Variants in SIPA1L1 observed in about 807,000 individuals in gnomAD.
SIPA1L1 encodes signal induced proliferation associated 1 like 1.
A neutral mutation model predicts 162.7 loss-of-function variants in SIPA1L1; 26 were observed. The ratio of observed to expected loss-of-function variants is 0.16; its 90% CI spans 0.12 to 0.22. SIPA1L1 has a LOEUF of 0.22. SIPA1L1 is among the 10% of genes least tolerant of loss of function. The pLI, the probability that SIPA1L1 is intolerant of heterozygous loss-of-function variation, is 1.00. For synonymous variants in SIPA1L1, 829 were observed against 837.4 expected (o/e 0.99, Z 0.17); for missense variants, 1,874 against 2,241.0 (o/e 0.84, Z 3.31).
chr14:71,496,837 C>T (rs1209376124), intron 2 of SIPA1L1, among the ~76,000 whole-genome samples: 1 of 152,102 alleles, frequency 6.6e-6, no homozygotes. Context: ...CTCTTTTTCT[C>T]CAGTAATGTT....
chr14:71,466,128 A>G (rs1175818292), intron 2 of SIPA1L1, among the ~76,000 whole-genome samples: 1 of 152,218 alleles, frequency 6.6e-6, no homozygotes, highest in African/African-American at 2.4e-5. Context: ...ACAGGGCTTC[A>G]TATATTGAAT....
chr14:71,490,108 A>G (rs117901042), intron 2 of SIPA1L1, among the ~76,000 whole-genome samples: 1 of 152,344 alleles, frequency 6.6e-6, no homozygotes, highest in Non-Finnish European at 1.5e-5. Flanking sequence ...AGAAGTGAAC[A>G]TATATTGAGC....
In SIPA1L1 at chr14:71,738,424, G is replaced by A. The variant is rs2085511472; in HGVS notation, c.5208+99G>A. On this transcript the variant is annotated intron_variant, in intron 23 of 23. Coordinates refer to ENST00000381232, the MANE Select transcript of SIPA1L1 (RefSeq NM_001386936.1). ...TAGCATGGTAAAATAAGACGTGGGT[G>A]TCTTCCCGGTGCCTGCATGTGTTTG... is the stretch of plus-strand genomic sequence containing the variant. The A allele has an allele frequency of 1.3e-5, 10 of 741,080 alleles. No individual in the cohort carries two copies. In the South Asian group the frequency reaches 1.6e-4, roughly 12 times the overall value. 45.9% of individuals were successfully genotyped at this position (741,080 alleles called of 1,614,324 possible).
intron 7 of SIPA1L1, among the ~76,000 whole-genome samples, chr14:71,646,770 C>A (rs1426062740): frequency 4.0e-5 from 6 of 151,746 alleles, no homozygotes; most frequent in Non-Finnish European, 7.4e-5. Context: ...CAGAGGTTAT[C>A]CAAAGCAAAA....
intron 8 of SIPA1L1, among the ~76,000 whole-genome samples, chr14:71,655,863 A>G (rs979861710): frequency 2.6e-5 from 4 of 151,700 alleles, no homozygotes; most frequent in Admixed American, 2.0e-4. Context: ...GAGATTCTGG[A>G]TATTAGTCTT....
chr14:71,735,944 C>T (rs936296980), intron 22 of SIPA1L1, among the ~76,000 whole-genome samples: 9 of 152,300 alleles, frequency 5.9e-5, no homozygotes, highest in Admixed American at 2.0e-4. Context: ...ATGCAGAGAC[C>T]GACTTTTCTG....
intron 4 of SIPA1L1, among the ~76,000 whole-genome samples, chr14:71,529,989 G>C (rs973925723): frequency 6.6e-6 from 1 of 152,230 alleles, no homozygotes; most frequent in African/African-American, 2.4e-5. Context: ...AAGCCACACA[G>C]GGTGGAGGAC....
At chr14:71,626,648 A>G (rs891270792) in intron 7 of SIPA1L1, among the ~76,000 whole-genome samples, 19 of 152,222 alleles carry the variant, frequency 1.2e-4, no homozygotes, top group Admixed American at 1.0e-3. Flanking sequence ...GTGTCGTCAT[A>G]TTTTAAAATT....
chr14:71,549,615 G>A (rs1358389578), intron 4 of SIPA1L1, among the ~76,000 whole-genome samples: 1 of 152,096 alleles, frequency 6.6e-6, no homozygotes, highest in East Asian at 1.9e-4. Context: ...CACATTGTAC[G>A]AATCCCAGAG....
chr14:71,320,658 T>C (rs979393692), intron 1 of SIPA1L1, 155 bp downstream of exon 1: 6 of 86,948 alleles, frequency 6.9e-5, no homozygotes, highest in Admixed American at 4.8e-4. Context: ...CCCGCCCCCG[T>C]CCGCACTTAC....
chr14:71,464,817 A>G (rs1489607984), intron 2 of SIPA1L1, among the ~76,000 whole-genome samples: 1 of 152,050 alleles, frequency 6.6e-6, no homozygotes, highest in Non-Finnish European at 1.5e-5. Flanking sequence ...AAAACTCAAA[A>G]CAGTTCTTTT....
chr14:71,438,307 G>A (rs1368918726), intron 2 of SIPA1L1, among the ~76,000 whole-genome samples: 2 of 151,916 alleles, frequency 1.3e-5, no homozygotes, highest in East Asian at 3.9e-4. Context: ...ACCATAATGA[G>A]CCTTGGCCCC....
chr14:71,473,360 T>C (rs1181235968), intron 2 of SIPA1L1, among the ~76,000 whole-genome samples: 2 of 152,190 alleles, frequency 1.3e-5, no homozygotes, highest in Non-Finnish European at 1.5e-5. Context: ...TTTATAATAG[T>C]TATTACTCTT....
intron 7 of SIPA1L1, among the ~76,000 whole-genome samples, chr14:71,631,150 T>C (rs2040532349): frequency 6.6e-6 from 1 of 152,108 alleles, no homozygotes; most frequent in Non-Finnish European, 1.5e-5. Flanking sequence ...GATAGTTTGC[T>C]GAGAATTATG....
chr14:71,573,082 A>T (rs1214332468), intron 4 of SIPA1L1, among the ~76,000 whole-genome samples: 1 of 152,236 alleles, frequency 6.6e-6, no homozygotes, highest in Non-Finnish European at 1.5e-5. Context: ...TGAGGGAAAC[A>T]GTGCTATGTA....
At chr14:71,440,840 A>G (rs978635909) in intron 2 of SIPA1L1, among the ~76,000 whole-genome samples, 1 of 151,982 alleles carries the variant, frequency 6.6e-6, no homozygotes, top group African/African-American at 2.4e-5. Context: ...TAATCAAAGA[A>G]TTTTTACCCT....
At chr14:71,357,731 T>TTTG (rs1197244720) in intron 2 of SIPA1L1, among the ~76,000 whole-genome samples, 7 of 151,778 alleles carry the variant, frequency 4.6e-5, no homozygotes, top group East Asian at 1.9e-4. Flanking sequence ...CCGGCTAATT[T>TTTG]TTGTTGTTGT....
chr14:71,657,745 C>G (rs1020723433), intron 8 of SIPA1L1, among the ~76,000 whole-genome samples: 1 of 150,698 alleles, frequency 6.6e-6, no homozygotes, highest in African/African-American at 2.4e-5. Context: ...TGTTTCCTAA[C>G]TTGATGTGTC....
intron 2 of SIPA1L1, among the ~76,000 whole-genome samples, chr14:71,395,780 T>G (rs184161876): frequency 1.5e-3 from 221 of 152,298 alleles, no homozygotes; most frequent in African/African-American, 5.1e-3. Context: ...CTTGGCCCAG[T>G]ATATGGAGGG....
Sources: gnomAD v4.1 joint callset for allele counts (sites outside exome capture counted in the v4.1 genomes callset) on GRCh38, gnomAD v4.1.1 for gene constraint, MANE v1.5 for transcripts, NCBI Gene and HGNC (gene_info 2026-07-23, HGNC 2026-07-21) for gene names.